The following SMAD2 variants were observed in gnomAD, a reference collection of about 807,000 sequenced individuals.
The protein encoded by SMAD2 is MAD homolog 2.
A neutral mutation model predicts 64.4 loss-of-function variants in SMAD2; 8 were observed. The observed-to-expected ratio is 0.12, with a 90% CI of 0.07 to 0.22. The LOEUF (loss-of-function observed/expected upper bound fraction) is 0.22, where lower values mean the gene tolerates loss of function less well. Among genes scored for constraint, SMAD2 ranks in the 10% least tolerant of loss-of-function variants. The probability of loss-of-function intolerance (pLI) is 1.00; values close to 1 mark genes in which losing one functional copy is unlikely to be tolerated. For missense variants in SMAD2, 289 were observed against 561.2 expected, an observed-to-expected ratio of 0.51 and a Z score of 4.90; for synonymous variants, 203 against 195.8, an observed-to-expected ratio of 1.04 and a Z score of -0.31.
At position 47,816,662 on chromosome 18, in the gene SMAD2, A is replaced by G. The variant is rs1912378916; in HGVS notation, c.*25165T>C. 1 of 152,136 alleles carries G rather than the reference A, an allele frequency of 6.6e-6. No individual in the cohort carries two copies. Among genetic ancestry groups the G allele is most frequent in the African/African-American group, 2.4e-5 (1 of 41,418 alleles). The allele number at this position is 152,136 out of a possible 1,614,324, so 9.4% of individuals were successfully genotyped here. A position where few individuals can be genotyped will look rare whatever the true frequency, so the allele number is the denominator to read the frequency against. ...CCCTTGCTATTGATCTTTGTAACCA[A>G]CGACAATTATTTCAAAACAATTATA... is the stretch of plus-strand genomic sequence containing the variant. On this transcript the variant is annotated 3_prime_UTR_variant, in exon 11 of 11. Coordinates refer to ENST00000262160, the MANE Select transcript of SMAD2 (RefSeq NM_005901.6).
intron 2 of SMAD2, among the ~76,000 whole-genome samples, chr18:47,885,565 G>A (rs1246302474): frequency 2.0e-5 from 3 of 152,130 alleles, no homozygotes; most frequent in Non-Finnish European, 4.4e-5. Context: ...CTTAAAATAA[G>A]TGCATAAAAT....
chr18:47,862,443 T>G (rs2031256493), intron 6 of SMAD2, among the ~76,000 whole-genome samples: 1 of 152,198 alleles, frequency 6.6e-6, no homozygotes, highest in African/African-American at 2.4e-5. Flanking sequence ...GCCTTTCTCT[T>G]AAGCTTTTGG....
rs545340041 is a variant in SMAD2 at position 47,833,856 on chromosome 18, T to C, written c.*7971A>G. ...TCACAAGAAAAGAAATCTGCAACAATTGGTTTCCTTTTACTATGAAAAATG... is the reference window on the plus strand; with the variant it reads ...TCACAAGAAAAGAAATCTGCAACAACTGGTTTCCTTTTACTATGAAAAATG... On this transcript the variant is annotated 3_prime_UTR_variant, in exon 11 of 11. Transcript: ENST00000262160. The C allele has an allele frequency of 4.8e-5, 11 of 230,036 alleles. No homozygotes were observed. Among genetic ancestry groups the C allele is most frequent in the East Asian group, 2.5e-4 (4 of 16,286 alleles). 14.2% of individuals were successfully genotyped at this position (230,036 alleles called of 1,614,324 possible).
chr18:47,888,494 CGAAAAAGTAGAA>C (rs1273154301), intron 2 of SMAD2, among the ~76,000 whole-genome samples: 1 of 152,106 alleles, frequency 6.6e-6, no homozygotes, highest in Non-Finnish European at 1.5e-5. Context: ...CCTCATACTT[CGAAAAAGTAGAA>C]GTGAATCTCC....
At chr18:47,919,782 T>C (rs1377138891) in intron 1 of SMAD2, among the ~76,000 whole-genome samples, 4 of 152,022 alleles carry the variant, frequency 2.6e-5, no homozygotes, top group Non-Finnish European at 5.9e-5. Flanking sequence ...AAAGAACAGC[T>C]TTGTACCACT....
At chr18:47,897,527 G>A (rs1050992290) in intron 1 of SMAD2, among the ~76,000 whole-genome samples, 11 of 151,982 alleles carry the variant, frequency 7.2e-5, no homozygotes, top group Non-Finnish European at 1.0e-4. Context: ...TCTATTCAGC[G>A]TCATTTTACA....
At chr18:47,909,899 A>T (rs368509661) in intron 1 of SMAD2, among the ~76,000 whole-genome samples, 16 of 152,258 alleles carry the variant, frequency 1.1e-4, no homozygotes, top group African/African-American at 3.6e-4. Flanking sequence ...ACATCTCTAA[A>T]TCAGGGAGTC....
chr18:47,916,041 T>G (rs2034322427), intron 1 of SMAD2, among the ~76,000 whole-genome samples: 2 of 152,240 alleles, frequency 1.3e-5, no homozygotes, highest in African/African-American at 4.8e-5. Flanking sequence ...GCCTTTCTCC[T>G]TTAATGTGTT....
chr18:47,864,271 A>C (rs2031398610), intron 6 of SMAD2, among the ~76,000 whole-genome samples: 1 of 152,192 alleles, frequency 6.6e-6, no homozygotes, highest in Non-Finnish European at 1.5e-5. Flanking sequence ...GGGAGTCCAA[A>C]AAAACGGATT....
intron 6 of SMAD2, among the ~76,000 whole-genome samples, chr18:47,858,001 C>G (rs1356759425): frequency 6.6e-6 from 1 of 152,122 alleles, no homozygotes; most frequent in Non-Finnish European, 1.5e-5. Flanking sequence ...CAACTCAAAT[C>G]CTAAGGGCAG....
At chr18:47,897,554 C>A (rs578215328) in intron 1 of SMAD2, among the ~76,000 whole-genome samples, 3 of 152,300 alleles carry the variant, frequency 2.0e-5, no homozygotes, top group African/African-American at 2.4e-5. Flanking sequence ...AACATGTATA[C>A]ATACAACTAA....
intron 6 of SMAD2, among the ~76,000 whole-genome samples, chr18:47,861,240 C>A (rs2031164794): frequency 6.6e-6 from 1 of 152,024 alleles, no homozygotes; most frequent in Admixed American, 6.5e-5. Flanking sequence ...CCTGTAAACC[C>A]AGCTACTCAG....
intron 2 of SMAD2, among the ~76,000 whole-genome samples, chr18:47,882,873 T>C (rs555802508): frequency 6.6e-6 from 1 of 152,332 alleles, no homozygotes; most frequent in East Asian, 1.9e-4. Flanking sequence ...TTACAGTTAG[T>C]CATCAAATTT....
At position 47,815,304 on chromosome 18, in the gene SMAD2, T is replaced by A. The variant is rs1369731835; in HGVS notation, c.*26523A>T. 1 of 152,236 alleles carries A rather than the reference T, an allele frequency of 6.6e-6. No individual in the cohort carries two copies. The highest frequency in any genetic ancestry group is 1.5e-5 in the Non-Finnish European group (1 of 68,046). The allele number at this position is 152,236 out of a possible 1,614,324, so 9.4% of individuals were successfully genotyped here. ...AGATGGGATGCATGAGAAATTGATG[T>A]GAAATGAAGGAACTGTAACTTCTTT... On this transcript the variant is annotated 3_prime_UTR_variant, in exon 11 of 11. Transcript: ENST00000262160.
chr18:47,847,951 C>T (rs1914687947), intron 8 of SMAD2, among the ~76,000 whole-genome samples: 1 of 151,894 alleles, frequency 6.6e-6, no homozygotes, highest in Non-Finnish European at 1.5e-5. Context: ...ACCAGAAGTC[C>T]CCAGACCACA....
chr18:47,809,117 A>T lies in SMAD2; in HGVS notation c.*32710T>A, dbSNP rs1912120347. ...ATTCTCAGCAGCAGTTCTCAACAAC[A>T]GATCACAGAAACAAGGCTGTCCTCC... On this transcript the variant is annotated 3_prime_UTR_variant, in exon 11 of 11. Transcript: ENST00000262160. 4 of 152,420 alleles carry T rather than the reference A, an allele frequency of 2.6e-5. No homozygotes were observed. Among genetic ancestry groups the T allele is most frequent in the Admixed American group, 2.0e-4 (3 of 15,308 alleles). 9.4% of individuals were successfully genotyped at this position (152,420 alleles called of 1,614,324 possible).
chr18:47,853,743 A>G (rs1176051078), intron 6 of SMAD2, among the ~76,000 whole-genome samples: 3 of 28,658 alleles, frequency 1.0e-4, no homozygotes, highest in African/African-American at 3.8e-4. Flanking sequence ...TCAGTTTGAA[A>G]AATCTGCTGG....
intron 1 of SMAD2, among the ~76,000 whole-genome samples, chr18:47,912,025 G>C (rs1318447426): frequency 1.3e-5 from 2 of 152,160 alleles, no homozygotes; most frequent in East Asian, 1.9e-4. Context: ...ACAGAGAACA[G>C]GATTCAACCT....
chr18:47,863,059 T>C (rs1253295747), intron 6 of SMAD2, among the ~76,000 whole-genome samples: 1 of 152,190 alleles, frequency 6.6e-6, no homozygotes, highest in South Asian at 2.1e-4. Context: ...TATCCTCTGG[T>C]TGCCCTTTTA....
Sources: allele counts gnomAD v4.1 joint callset (sites outside exome capture counted in the v4.1 genomes callset), GRCh38; gene constraint gnomAD v4.1.1; transcripts MANE v1.5; gene names NCBI Gene and HGNC (gene_info 2026-07-23, HGNC 2026-07-21).